TMCO5A: variants seen among roughly 807,000 people sequenced by gnomAD.
TMCO5A encodes the protein transmembrane and coiled-coil domains 5A, also known as transmembrane and coiled-coil domain-containing protein 5A.
Under a neutral mutation model 42.3 loss-of-function variants are expected in TMCO5A, and 34 were observed. The observed-to-expected ratio is 0.80, with a 90% confidence interval of 0.61 to 1.07. The LOEUF (loss-of-function observed/expected upper bound fraction) is 1.07. Among genes scored for constraint, TMCO5A ranks in the 50% least tolerant of loss-of-function variants. TMCO5A has a pLI of 0.00. For missense variants in TMCO5A, 357 were observed against 327.9 expected, an observed-to-expected ratio of 1.09 and a Z score of -0.69; for synonymous variants, 131 against 115.6, an observed-to-expected ratio of 1.13 and a Z score of -0.86.
chr15:38,014,860 T>TATATATA, the TMCO5A span, among the ~76,000 whole-genome samples: 1 of 59,240 alleles, frequency 1.7e-5, no homozygotes, highest in Admixed American at 1.5e-4. Flanking sequence ...AGATTATATA[T>TATATATA]ATATATATAT....
At chr15:37,950,865 A>C (rs1202561788) in intron 11 of TMCO5A, among the ~76,000 whole-genome samples, 171 bp from the exon 12 acceptor site, 2 of 152,172 alleles carry the variant, frequency 1.3e-5, no homozygotes, top group African/African-American at 4.8e-5. Context: ...AGAATAACCA[A>C]TAGGACAGAA....
At chr15:37,973,001 C>A in the TMCO5A span, among the ~76,000 whole-genome samples, 1 of 152,188 alleles carries the variant, frequency 6.6e-6, no homozygotes, top group East Asian at 1.9e-4. Flanking sequence ...ACAGGGCTAA[C>A]CAGTTATTCC....
the TMCO5A span, among the ~76,000 whole-genome samples, chr15:38,025,446 T>C: frequency 3.3e-5 from 5 of 152,070 alleles, no homozygotes; most frequent in Admixed American, 6.6e-5. Flanking sequence ...TCTGCCTTCT[T>C]CTCTCCATCT....
chr15:37,963,530 T>C (rs1185146603), intron 11 of TMCO5A, among the ~76,000 whole-genome samples: 2 of 152,170 alleles, frequency 1.3e-5, no homozygotes, highest in South Asian at 4.1e-4. Flanking sequence ...TATTGTGCAG[T>C]TGTTGGATAA....
the TMCO5A span, among the ~76,000 whole-genome samples, chr15:38,022,435 T>C: frequency 2.6e-5 from 4 of 152,120 alleles, no homozygotes; most frequent in Admixed American, 1.3e-4. Context: ...CATGACATTC[T>C]GGAAAATATA....
the TMCO5A span, among the ~76,000 whole-genome samples, chr15:37,999,047 C>A: frequency 6.6e-6 from 1 of 152,160 alleles, no homozygotes; most frequent in South Asian, 2.1e-4. Context: ...GCTGGAATTA[C>A]AGGCATGCGC....
chr15:37,983,720 TTTTTTTTTTTG>T, the TMCO5A span, among the ~76,000 whole-genome samples: 1 of 100,630 alleles, frequency 9.9e-6, no homozygotes, highest in African/African-American at 9.6e-5. Context: ...CTTTTTACTG[TTTTTTTTTTTG>T]TTTTTTTTTT....
chr15:37,990,002 T>G, the TMCO5A span, among the ~76,000 whole-genome samples: 2 of 152,102 alleles, frequency 1.3e-5, no homozygotes, highest in Non-Finnish European at 2.9e-5. Flanking sequence ...CTTTATATTA[T>G]ATCTCTCTTT....
At chr15:37,938,314 T>C in intron 6 of TMCO5A, 85 bp downstream of exon 6, 2 of 1,181,202 alleles carry the variant, frequency 1.7e-6, no homozygotes, top group Non-Finnish European at 1.2e-6. Flanking sequence ...GTCAACGTTG[T>C]GACAAATTCT....
chr15:37,991,562 G>A, the TMCO5A span, among the ~76,000 whole-genome samples: 1 of 151,848 alleles, frequency 6.6e-6, no homozygotes, highest in East Asian at 1.9e-4. Flanking sequence ...CTTCTTCTAG[G>A]ACTTCCGCAA....
At chr15:37,999,528 T>C in the TMCO5A span, among the ~76,000 whole-genome samples, 1 of 152,210 alleles carries the variant, frequency 6.6e-6, no homozygotes, top group Non-Finnish European at 1.5e-5. Context: ...TATTTCCTTA[T>C]CTTGTCTGAT....
chr15:37,936,941 C>A lies in TMCO5A; in HGVS notation c.235C>A (p.Gln79Lys), dbSNP rs774554755. The change falls in exon 4 of 12, where the codon CAG becomes AAG. Residue 79 changes from glutamine (Q) to lysine (K), a missense_variant. By Grantham distance (53) the Gln-to-Lys change is moderately conservative. Transcript: ENST00000319669. ...CACGATGGAAAGGGAAAGAGCCTTG[C>A]AGGAGCTGGAGGAAGAAACAGCCAG... ...RTTMERERAL[Q>K]ELEEETARLE... is the part of the protein sequence containing the mutation. 3 of 1,612,268 alleles carry A rather than the reference C, an allele frequency of 1.9e-6. No homozygotes were observed.
the TMCO5A span, among the ~76,000 whole-genome samples, chr15:37,974,570 T>C: frequency 2.6e-5 from 4 of 152,178 alleles, no homozygotes; most frequent in Admixed American, 2.6e-4. Context: ...TCTCTGAGCG[T>C]TGTTTGTATT....
chr15:38,003,416 C>A, the TMCO5A span, among the ~76,000 whole-genome samples: 1 of 152,062 alleles, frequency 6.6e-6, no homozygotes, highest in Non-Finnish European at 1.5e-5. Context: ...TTCATCAAGG[C>A]CTAAGGGCTC....
chr15:38,018,893 A>G, the TMCO5A span, among the ~76,000 whole-genome samples: 1 of 152,212 alleles, frequency 6.6e-6, no homozygotes, highest in Non-Finnish European at 1.5e-5. Context: ...AACTTCTTAC[A>G]TACAACACTA....
At chr15:38,037,035 AG>A in the TMCO5A span, among the ~76,000 whole-genome samples, 1 of 152,232 alleles carries the variant, frequency 6.6e-6, no homozygotes, top group Admixed American at 6.5e-5. Flanking sequence ...GGAATTCAAA[AG>A]GTAAATAGTG....
At chr15:38,029,255 G>A in the TMCO5A span, among the ~76,000 whole-genome samples, 1 of 151,724 alleles carries the variant, frequency 6.6e-6, no homozygotes, top group African/African-American at 2.4e-5. Context: ...TGTCATTTAG[G>A]GCTGCTATTA....
the TMCO5A span, among the ~76,000 whole-genome samples, chr15:37,993,104 T>G: frequency 6.6e-6 from 1 of 152,174 alleles, no homozygotes; most frequent in Admixed American, 6.5e-5. Context: ...TTTATCAATA[T>G]TTTCATTCTG....
At chr15:37,943,532 T>C (rs1012702983) in intron 10 of TMCO5A, 134 bp downstream of exon 10, 5 of 740,624 alleles carry the variant, frequency 6.8e-6, no homozygotes, top group African/African-American at 1.8e-5. Context: ...CAGCTATAAT[T>C]ACAGAGCATT....
Sources: gnomAD v4.1 joint callset for allele counts (sites outside exome capture counted in the v4.1 genomes callset) on GRCh38, gnomAD v4.1.1 for gene constraint, MANE v1.5 for transcripts, NCBI Gene and HGNC (gene_info 2026-07-23, HGNC 2026-07-21) for gene names.